Variants in ARPC1A observed in about 807,000 individuals in gnomAD.
The protein encoded by ARPC1A is actin-related protein 2/3 complex subunit 1A.
Under a neutral mutation model 46.9 loss-of-function variants are expected in ARPC1A, and 8 were observed. The observed-to-expected ratio is 0.17, with a 90% CI of 0.10 to 0.31. The LOEUF is 0.31. Among genes scored for constraint, ARPC1A ranks in the 10% least tolerant of loss-of-function variants. The probability of loss-of-function intolerance (pLI) is 1.00; values close to 1 mark genes in which losing one functional copy is unlikely to be tolerated. For missense variants in ARPC1A, 286 were observed against 483.6 expected, an observed-to-expected ratio of 0.59 and a Z score of 3.83; for synonymous variants, 152 against 169.0, an observed-to-expected ratio of 0.90 and a Z score of 0.78.
At chr7:99,330,476 G>A (rs761583313) in intron 1 of ARPC1A, among the ~76,000 whole-genome samples, 2 of 152,226 alleles carry the variant, frequency 1.3e-5, no homozygotes, top group Admixed American at 6.5e-5. Context: ...CACCATGCCC[G>A]TCTGATTTTT....
At chr7:99,362,498 A>ACT (rs1554346027) in intron 8 of ARPC1A, among the ~76,000 whole-genome samples, 1 of 132,180 alleles carries the variant, frequency 7.6e-6, no homozygotes, top group African/African-American at 2.9e-5. Context: ...TGCCTGGCTA[A>ACT]TTTTTTTTTT....
At chr7:99,329,320 T>G (rs1005936555) in intron 1 of ARPC1A, among the ~76,000 whole-genome samples, 22 of 148,356 alleles carry the variant, frequency 1.5e-4, no homozygotes, top group Admixed American at 6.0e-4. Flanking sequence ...AAAAAGAAAA[T>G]AAAGAAAAGG....
intron 6 of ARPC1A, among the ~76,000 whole-genome samples, chr7:99,354,596 C>T (rs1793601299): frequency 6.6e-6 from 1 of 151,678 alleles, no homozygotes; most frequent in Non-Finnish European, 1.5e-5. Flanking sequence ...GCCTATAATC[C>T]TAGCACTTTG....
intron 8 of ARPC1A, among the ~76,000 whole-genome samples, chr7:99,361,633 C>G (rs1245328552): frequency 6.6e-6 from 1 of 152,124 alleles, no homozygotes; most frequent in African/African-American, 2.4e-5. Context: ...TCTATACAGA[C>G]CAAGTGTTAA....
intron 3 of ARPC1A, among the ~76,000 whole-genome samples, chr7:99,343,922 A>G (rs1793395975): frequency 6.6e-6 from 1 of 152,226 alleles, no homozygotes; most frequent in Admixed American, 6.5e-5. Context: ...TAATGAATAC[A>G]GTTATTTTCA....
At chr7:99,331,762 T>C (rs1793147922) in intron 1 of ARPC1A, among the ~76,000 whole-genome samples, 1 of 151,780 alleles carries the variant, frequency 6.6e-6, no homozygotes. Context: ...CTACTAAAAA[T>C]ACAAAAATTA....
chr7:99,353,876 T>G, intron 5 of ARPC1A, 33 bp from the exon 6 acceptor site: 1 of 1,597,110 alleles, frequency 6.3e-7, no homozygotes, highest in Non-Finnish European at 8.6e-7. Context: ...TATTTTCATT[T>G]GCTTTTTCCT....
intron 7 of ARPC1A, 63 bp downstream of exon 7, chr7:99,358,478 T>C: frequency 2.1e-6 from 3 of 1,409,472 alleles, no homozygotes; most frequent in Non-Finnish European, 3.0e-6. Flanking sequence ...CAGGGAACAA[T>C]GTGTGCTCTG....
chr7:99,355,369 A>G (rs1386585655), intron 6 of ARPC1A, among the ~76,000 whole-genome samples: 2 of 152,208 alleles, frequency 1.3e-5, no homozygotes, highest in African/African-American at 4.8e-5. Flanking sequence ...TAGGTCTTCC[A>G]GAAATACTTC....
intron 2 of ARPC1A, among the ~76,000 whole-genome samples, chr7:99,335,847 G>A (rs549928818): frequency 2.6e-5 from 4 of 152,184 alleles, no homozygotes; most frequent in African/African-American, 7.2e-5. Context: ...CCAGTTACTC[G>A]GGAGGCTGAG....
intron 2 of ARPC1A, chr7:99,335,517 A>G (rs553772892): frequency 9.1e-6 from 3 of 328,632 alleles, no homozygotes; most frequent in East Asian, 2.4e-4. Flanking sequence ...GTAAGTTCCA[A>G]CTTTGTTCTT....
intron 9 of ARPC1A, 139 bp downstream of exon 9, chr7:99,363,772 T>C: frequency 1.6e-6 from 1 of 623,960 alleles, no homozygotes; most frequent in Non-Finnish European, 2.7e-6. Flanking sequence ...ACTCCTTGCC[T>C]CCAGCAGCCC....
intron 6 of ARPC1A, among the ~76,000 whole-genome samples, chr7:99,355,889 A>T (rs1793620885): frequency 6.6e-6 from 1 of 152,204 alleles, no homozygotes; most frequent in African/African-American, 2.4e-5. Context: ...CCTTCCATTC[A>T]GTAAGGCTTA....
At chr7:99,335,198 C>T (rs1478674664) in intron 2 of ARPC1A, among the ~76,000 whole-genome samples, 1 of 152,106 alleles carries the variant, frequency 6.6e-6, no homozygotes, top group African/African-American at 2.4e-5. Context: ...CTATGTCACC[C>T]AGACTGGCCT....
Position 99,366,212 on chromosome 7 carries a change from G to A in ARPC1A, c.*283G>A, listed in dbSNP as rs1793838503. 1 of 378,326 alleles carries A rather than the reference G, an allele frequency of 2.6e-6. No homozygotes were observed. Among genetic ancestry groups the A allele is most frequent in the African/African-American group, 2.1e-5 (1 of 48,090 alleles). The allele number at this position is 378,326 out of a possible 1,614,324, so 23.4% of individuals were successfully genotyped here. A position where few individuals can be genotyped will look rare whatever the true frequency, so the allele number is the denominator to read the frequency against. ...ACACTAACTTAAAAGACAGGGTGAG[G>A]GAGATATGTAAATTGTCCACTAGAA... On this transcript the variant is annotated 3_prime_UTR_variant, in exon 10 of 10. Coordinates refer to ENST00000262942, the MANE Select transcript of ARPC1A (RefSeq NM_006409.4).
Position 99,333,347 on chromosome 7 carries a change from A to C in ARPC1A, c.-7A>C, listed in dbSNP as rs781381414. 5.6e-6 allele frequency: 9 copies of C among 1,612,168 alleles called. No individual in the cohort carries two copies. In the Middle Eastern group the frequency reaches 1.3e-3, roughly 238 times the overall value. Reference sequence around the variant, plus strand: ...CAGCTTTCTCTCCTTTGAAAACACTAAGAATAATGTCACTGCATCAGTTTT... The same window carrying C: ...CAGCTTTCTCTCCTTTGAAAACACTCAGAATAATGTCACTGCATCAGTTTT... On this transcript the variant is annotated 5_prime_UTR_variant, in exon 2 of 10. Coordinates refer to ENST00000262942, the MANE Select transcript of ARPC1A (RefSeq NM_006409.4).
intron 3 of ARPC1A, among the ~76,000 whole-genome samples, chr7:99,341,005 C>T (rs1377125637): frequency 2.0e-5 from 3 of 152,160 alleles, no homozygotes; most frequent in Non-Finnish European, 2.9e-5. Context: ...TAAGAATACT[C>T]ATATTTTAAA....
chr7:99,345,223 C>T (rs970096400), intron 4 of ARPC1A, among the ~76,000 whole-genome samples: 2 of 151,834 alleles, frequency 1.3e-5, no homozygotes, highest in Admixed American at 6.6e-5. Context: ...TGAGCCACCA[C>T]GCCTGGTCAA....
At chr7:99,336,588 C>T (rs1363098936) in intron 2 of ARPC1A, among the ~76,000 whole-genome samples, 1 of 146,780 alleles carries the variant, frequency 6.8e-6, no homozygotes, top group African/African-American at 2.5e-5. Flanking sequence ...CTGCCTCCTA[C>T]GATCAAGCGA....
Sources: allele counts gnomAD v4.1 joint callset (sites outside exome capture counted in the v4.1 genomes callset), GRCh38; gene constraint gnomAD v4.1.1; transcripts MANE v1.5; gene names NCBI Gene and HGNC (gene_info 2026-07-23, HGNC 2026-07-21).